GALNT13: variants seen among roughly 807,000 people sequenced by gnomAD.
The protein encoded by GALNT13 is polypeptide N-acetylgalactosaminyltransferase 13.
In GALNT13, 28 loss-of-function variants were observed where a neutral mutation model predicts 64.2. The observed-to-expected ratio is 0.44, with a 90% CI of 0.32 to 0.60. The LOEUF is 0.60. GALNT13 is among the 20% of genes least tolerant of loss of function. GALNT13 has a pLI of 0.05. For synonymous variants in GALNT13, 214 were observed against 224.6 expected (o/e 0.95, Z 0.42); for missense variants, 577 against 669.8 (o/e 0.86, Z 1.53).
chr2:153,150,470 T>G, the GALNT13 span, among the ~76,000 whole-genome samples: 5 of 152,248 alleles, frequency 3.3e-5, no homozygotes, highest in African/African-American at 1.2e-4. Flanking sequence ...AGAAGCTCTT[T>G]AGTTTAATTA....
At chr2:154,429,074 G>C (rs185436333) in intron 11 of GALNT13, among the ~76,000 whole-genome samples, 1 of 152,128 alleles carries the variant, frequency 6.6e-6, no homozygotes, top group African/African-American at 2.4e-5. Flanking sequence ...CCTATCTCTC[G>C]CTCCACAGGG....
chr2:153,155,636 GTCTA>G, the GALNT13 span, among the ~76,000 whole-genome samples: 10 of 151,934 alleles, frequency 6.6e-5, no homozygotes, highest in African/African-American at 2.4e-4. Flanking sequence ...CTAGCAAGTG[GTCTA>G]TCTATGTTAT....
the GALNT13 span, among the ~76,000 whole-genome samples, chr2:153,825,344 C>A: frequency 6.6e-6 from 1 of 152,114 alleles, no homozygotes; most frequent in African/African-American, 2.4e-5. Context: ...AGGGAATATA[C>A]AAACAGTGGT....
At chr2:153,542,387 T>A in the GALNT13 span, among the ~76,000 whole-genome samples, 1 of 151,714 alleles carries the variant, frequency 6.6e-6, no homozygotes, top group Non-Finnish European at 1.5e-5. Flanking sequence ...TAGAAGCACA[T>A]TTTATTCAGG....
chr2:153,618,681 T>G, the GALNT13 span, among the ~76,000 whole-genome samples: 1 of 152,038 alleles, frequency 6.6e-6, no homozygotes, highest in African/African-American at 2.4e-5. Flanking sequence ...GATATGTCCT[T>G]TATATAGCTA....
chr2:153,936,964 A>G (rs1030939298), intron 2 of GALNT13, among the ~76,000 whole-genome samples: 15 of 151,998 alleles, frequency 9.9e-5, no homozygotes, highest in South Asian at 2.1e-4. Flanking sequence ...TGTTCCGCCC[A>G]CCTTGGCCTC....
At chr2:153,362,768 C>G in the GALNT13 span, among the ~76,000 whole-genome samples, 2 of 152,110 alleles carry the variant, frequency 1.3e-5, no homozygotes, top group Non-Finnish European at 2.9e-5. Context: ...TATACTTAGA[C>G]TCCCACACAA....
chr2:154,058,270 A>G (rs539799337), intron 3 of GALNT13, among the ~76,000 whole-genome samples: 1 of 150,964 alleles, frequency 6.6e-6, no homozygotes, highest in East Asian at 1.9e-4. Context: ...TGCCATTCTG[A>G]TCTCCTCCAG....
the GALNT13 span, among the ~76,000 whole-genome samples, chr2:153,200,871 TG>T: frequency 6.6e-6 from 1 of 152,234 alleles, no homozygotes; most frequent in Non-Finnish European, 1.5e-5. Context: ...GCTAGGGTTT[TG>T]TTTCTCCTGA....
At chr2:153,176,167 C>G in the GALNT13 span, among the ~76,000 whole-genome samples, 1 of 152,158 alleles carries the variant, frequency 6.6e-6, no homozygotes, top group South Asian at 2.1e-4. Context: ...ATGAGAGTAA[C>G]ACCTGAGGAG....
intron 3 of GALNT13, among the ~76,000 whole-genome samples, chr2:154,108,047 A>T (rs1351944529): frequency 6.6e-6 from 1 of 152,162 alleles, no homozygotes; most frequent in African/African-American, 2.4e-5. Flanking sequence ...TATTGTTAAT[A>T]GTGCTGCAAC....
At chr2:153,662,582 T>C in the GALNT13 span, among the ~76,000 whole-genome samples, 1 of 152,150 alleles carries the variant, frequency 6.6e-6, no homozygotes, top group African/African-American at 2.4e-5. Context: ...ATCACACAGA[T>C]TTTCTAAGCA....
chr2:153,903,994 G>A (rs1394243927), intron 2 of GALNT13, among the ~76,000 whole-genome samples: 2 of 151,782 alleles, frequency 1.3e-5, no homozygotes, highest in African/African-American at 2.4e-5. Context: ...TTTCATTATA[G>A]TTTTAACTTT....
chr2:153,363,102 A>C, the GALNT13 span, among the ~76,000 whole-genome samples: 1 of 152,134 alleles, frequency 6.6e-6, no homozygotes, highest in Admixed American at 6.6e-5. Flanking sequence ...ACAAAACTAC[A>C]TGGAAATTGA....
At chr2:153,098,290 A>G in the GALNT13 span, among the ~76,000 whole-genome samples, 1 of 152,148 alleles carries the variant, frequency 6.6e-6, no homozygotes, top group Non-Finnish European at 1.5e-5. Flanking sequence ...GCTTATCATA[A>G]CTGTTTGTGG....
chr2:154,391,875 C>T (rs917405216), intron 9 of GALNT13, among the ~76,000 whole-genome samples: 18 of 151,912 alleles, frequency 1.2e-4, no homozygotes, highest in South Asian at 4.2e-4. Context: ...AAATTAAGCA[C>T]GATAGAGGGA....
the GALNT13 span, among the ~76,000 whole-genome samples, chr2:153,095,851 A>C: frequency 6.6e-6 from 1 of 152,016 alleles, no homozygotes; most frequent in Non-Finnish European, 1.5e-5. Context: ...ACACTTGGAC[A>C]CAGGATGGGG....
intron 9 of GALNT13, among the ~76,000 whole-genome samples, chr2:154,389,893 G>T (rs368009178): frequency 6.6e-6 from 1 of 152,154 alleles, no homozygotes; most frequent in Non-Finnish European, 1.5e-5. Context: ...CAGTTGGTTG[G>T]TTTAGGCAGT....
chr2:153,462,386 C>T, the GALNT13 span, among the ~76,000 whole-genome samples: 2 of 151,946 alleles, frequency 1.3e-5, no homozygotes, highest in Non-Finnish European at 2.9e-5. Flanking sequence ...AGAATATTGT[C>T]CAATGGACCT....
Sources: gnomAD v4.1 joint callset for allele counts (sites outside exome capture counted in the v4.1 genomes callset) on GRCh38, gnomAD v4.1.1 for gene constraint, MANE v1.5 for transcripts, NCBI Gene and HGNC (gene_info 2026-07-23, HGNC 2026-07-21) for gene names.